Variants in NID2 observed in about 807,000 individuals in gnomAD.
NID2 encodes nidogen 2, also known as nidogen-2.
NID2 carries 83 observed loss-of-function variants against 145.4 expected under a neutral mutation model. That is an observed-to-expected ratio of 0.57 (90% confidence interval 0.48 to 0.69). The LOEUF is 0.69. Among genes scored for constraint, NID2 ranks in the 30% least tolerant of loss-of-function variants. The pLI is 0.00. For missense variants in NID2, 1,807 were observed against 1,765.7 expected (o/e 1.02, Z -0.42); for synonymous variants, 739 against 701.3 (o/e 1.05, Z -0.85).
chr14:52,039,723 G>A (rs142859682), intron 8 of NID2, among the ~76,000 whole-genome samples: 2,123 of 152,302 alleles, frequency 0.014, 26 homozygotes, highest in Middle Eastern at 0.027. Flanking sequence ...CATCCTGTGC[G>A]CAGGTAGTAC....
chr14:52,047,153 A>G (rs562138464), intron 5 of NID2, among the ~76,000 whole-genome samples: 1 of 152,192 alleles, frequency 6.6e-6, no homozygotes. Context: ...TCACATCCTG[A>G]AGCTTACATT....
At chr14:52,052,846 G>A (rs1892720576) in intron 5 of NID2, among the ~76,000 whole-genome samples, 1 of 152,138 alleles carries the variant, frequency 6.6e-6, no homozygotes, top group Non-Finnish European at 1.5e-5. Flanking sequence ...GTCTGATGGG[G>A]AAGAAACAGC....
chr14:52,011,622 A>G lies in NID2; in HGVS notation c.3482T>C (p.Val1161Ala). The change falls in exon 17 of 22, where the codon GTT (valine) becomes GCT (alanine). Residue 1161 changes from valine to alanine, a missense_variant. Transcript: ENST00000216286. Reference sequence around the variant, plus strand: ...AGCACGGCTGATTGTCCGTCCAGCAACATCTGTCCAGTACACCATCCTCTC... The same window carrying G: ...AGCACGGCTGATTGTCCGTCCAGCAGCATCTGTCCAGTACACCATCCTCTC... ...CRERMVYWTD[V>A]AGRTISRAGL... is the part of the protein sequence containing the mutation. 6.2e-7 allele frequency: 1 copy of G among 1,614,248 alleles called. No individual in the cohort carries two copies. Among genetic ancestry groups the G allele is most frequent in the South Asian group, 1.1e-5 (1 of 91,084 alleles).
intron 2 of NID2, 79 bp downstream of exon 2, chr14:52,067,779 G>A (rs1893272488): frequency 6.6e-7 from 1 of 1,522,302 alleles, no homozygotes; most frequent in Non-Finnish European, 9.1e-7. Context: ...ACAACTCCGA[G>A]CCAGTCCCTG....
At chr14:52,050,671 A>C (rs188582659) in intron 5 of NID2, among the ~76,000 whole-genome samples, 1 of 152,272 alleles carries the variant, frequency 6.6e-6, no homozygotes, top group East Asian at 1.9e-4. Context: ...GCAGTGGTAC[A>C]ATCATGGCTC....
At chr14:52,061,467 C>T (rs573868105) in intron 2 of NID2, among the ~76,000 whole-genome samples, 2 of 152,254 alleles carry the variant, frequency 1.3e-5, no homozygotes, top group South Asian at 4.1e-4. Flanking sequence ...ACAGGCTTTG[C>T]CCAGGAGAGT....
chr14:52,015,046 G>A lies in NID2; in HGVS notation c.3250+8C>T, dbSNP rs762065179. The A allele has an allele frequency of 6.8e-6, 11 of 1,610,314 alleles. No homozygotes were observed. The Admixed American group carries it at 1.7e-4, about 25-fold the overall frequency. ...AGCTGAGGGGAGCGGGGGCGGCCAG[G>A]TGCTTACACGCAGGGGTGGTGCCTG... On this transcript the variant is annotated splice_region_variant and intron_variant, in intron 15 of 21. Coordinates refer to ENST00000216286, the MANE Select transcript of NID2 (RefSeq NM_007361.4).
Position 52,010,884 on chromosome 14 carries a change from T to G in NID2, c.3714A>C (p.Pro1238=), listed in dbSNP as rs1890986398. 6.2e-7 allele frequency: 1 copy of G among 1,612,484 alleles called. No individual in the cohort carries two copies. The highest frequency in any genetic ancestry group is 1.3e-5 in the African/African-American group (1 of 74,906). Residue 1238 remains proline, a synonymous_variant, in exon 18 of 22, where the codon CCA becomes CCC. Coordinates refer to ENST00000216286, the MANE Select transcript of NID2 (RefSeq NM_007361.4). ...LVNPRAIAVD[P]IRGNLYWTDW... is the part of the protein sequence containing the mutation. ...AGGGAAGCCCAGCTGACCCTCGGAT[T>G]GGATCCACAGCGATGGCACGGGGAT...
chr14:52,052,255 T>C (rs1267736135), intron 5 of NID2, among the ~76,000 whole-genome samples: 1 of 152,200 alleles, frequency 6.6e-6, no homozygotes, highest in East Asian at 1.9e-4. Flanking sequence ...TGTGGTCCCT[T>C]AGGCACAAAT....
intron 12 of NID2, among the ~76,000 whole-genome samples, chr14:52,024,090 G>A (rs181093419): frequency 2.6e-5 from 4 of 151,992 alleles, no homozygotes; most frequent in Non-Finnish European, 1.5e-5. Flanking sequence ...TTTATGCATG[G>A]GTCTTTAGGA....
intron 14 of NID2, among the ~76,000 whole-genome samples, chr14:52,018,150 T>C (rs1891281208): frequency 6.7e-6 from 1 of 150,110 alleles, no homozygotes. Flanking sequence ...AAAAAAACTA[T>C]TGGTAATTCT....
rs33978626 is a variant in NID2, at chr14:52,046,341, A to AAAAAAAGC, written c.1430-3411_1430-3410insGCTTTTTT. ...CCATCTCAAAAAAAAAAAAAAAAAAAAGCCGTTTTCATAATATTCAGATAA... is the reference window on the plus strand; with the variant it reads ...CCATCTCAAAAAAAAAAAAAAAAAAAAAAAAAGCAGCCGTTTTCATAATATTCAGATAA... On this transcript the variant is annotated intron_variant, in intron 5 of 21. Transcript: ENST00000216286. 3.6e-4 allele frequency among the ~76,000 whole-genome samples: 44 copies of AAAAAAAGC among 123,166 alleles called. 6 individuals are homozygous for AAAAAAAGC. The highest frequency in any genetic ancestry group is 1.1e-3 in the South Asian group (4 of 3,742). The allele number at this position is 123,166 out of a possible 152,430, so 80.8% of individuals were successfully genotyped here.
At chr14:52,049,987 A>C (rs964895616) in intron 5 of NID2, among the ~76,000 whole-genome samples, 4 of 152,118 alleles carry the variant, frequency 2.6e-5, no homozygotes, top group Non-Finnish European at 5.9e-5. Flanking sequence ...AACCTGCTTA[A>C]ATTCTTCTCA....
chr14:52,042,419 T>C, intron 6 of NID2, 69 bp from the exon 7 acceptor site: 7 of 1,505,774 alleles, frequency 4.6e-6, no homozygotes, highest in Admixed American at 2.1e-5. Context: ...CCAGGTATAA[T>C]TATTCCACTG....
intron 9 of NID2, among the ~76,000 whole-genome samples, chr14:52,035,856 G>GTGTATATATATATATATATATATATATA (rs763855059): frequency 6.1e-5 from 4 of 65,284 alleles, no homozygotes; most frequent in Admixed American, 1.4e-4. Flanking sequence ...ATTTTTTTGT[G>GTGTATATATATATATATATATATATATA]TATATATATA....
intron 2 of NID2, among the ~76,000 whole-genome samples, chr14:52,066,198 G>C (rs1336788225): frequency 6.6e-6 from 1 of 151,952 alleles, no homozygotes; most frequent in African/African-American, 2.4e-5. Context: ...CCAGACAAAA[G>C]TTTTAATTCC....
intron 9 of NID2, among the ~76,000 whole-genome samples, chr14:52,033,813 C>T (rs1891962970): frequency 6.6e-6 from 1 of 152,152 alleles, no homozygotes; most frequent in Admixed American, 6.5e-5. Context: ...CACATTGCCT[C>T]TTTCAAAGTT....
In NID2 at chr14:52,042,223, G is replaced by A. The variant is rs777713283; in HGVS notation, c.1707C>T (p.Ile569=). ...GGGCTGCTGGCTGTGGGATGTGGCT[G>A]ATGGCCGTGTAGGCTCTGCCATCAT... ...VGNDGRAYTA[I]SHIPQPAAQA... is the part of the protein sequence containing the mutation. The change falls in exon 7 of 22, where the codon ATC becomes ATT. Residue 569 remains isoleucine, a synonymous_variant. Transcript: ENST00000216286. 16 of 1,614,212 alleles carry A rather than the reference G, an allele frequency of 9.9e-6. No homozygotes were observed. The East Asian group carries it at 3.1e-4, about 31-fold the overall frequency.
In NID2 at chr14:52,068,956, C is replaced by A. The variant is rs754378234; in HGVS notation, c.39G>T (p.Ser13=). The change falls in exon 1 of 22, where the codon TCG becomes TCT. Residue 13 remains serine (S), a synonymous_variant. Coordinates refer to ENST00000216286, the MANE Select transcript of NID2 (RefSeq NM_007361.4). ...GDRVAGRPVL[S]SLPVLLLLPL... Reference sequence around the variant, plus strand: ...GCAGCAGCAGTAGCACTGGTAACGACGACAGCACCGGCCGCCCGGCCACCC... The same window carrying A: ...GCAGCAGCAGTAGCACTGGTAACGAAGACAGCACCGGCCGCCCGGCCACCC... 37 of 1,613,084 alleles carry A rather than the reference C, an allele frequency of 2.3e-5. No individual in the cohort carries two copies. Among genetic ancestry groups the A allele is most frequent in the Non-Finnish European group, 2.3e-5 (27 of 1,179,794 alleles).
Sources: allele counts gnomAD v4.1 joint callset (sites outside exome capture counted in the v4.1 genomes callset), GRCh38; gene constraint gnomAD v4.1.1; transcripts MANE v1.5; gene names NCBI Gene and HGNC (gene_info 2026-07-23, HGNC 2026-07-21).